The following ANAPC5 variants were observed in gnomAD, a reference collection of about 807,000 sequenced individuals.
ANAPC5 encodes anaphase promoting complex subunit 5, also known as anaphase-promoting complex subunit 5.
ANAPC5 carries 60 observed loss-of-function variants against 91.3 expected under a neutral mutation model. That is an observed-to-expected ratio of 0.66 (90% CI 0.53 to 0.81). The LOEUF (loss-of-function observed/expected upper bound fraction) is 0.81, where lower values mean the gene tolerates loss of function less well. Among genes scored for constraint, ANAPC5 ranks in the 40% least tolerant of loss-of-function variants. ANAPC5 has a pLI of 0.00. For synonymous variants in ANAPC5, 340 were observed against 364.1 expected (o/e 0.93, Z 0.75); for missense variants, 690 against 931.5 (o/e 0.74, Z 3.37).
chr12:121,338,481 C>T lies in ANAPC5; in HGVS notation c.658-1089G>A, dbSNP rs569032685. 2.6e-5 allele frequency among the ~76,000 whole-genome samples: 4 copies of T among 151,786 alleles called. No individual in the cohort carries two copies. In the South Asian group the frequency reaches 6.3e-4, roughly 24 times the overall value. ...GCGCACACCTGTAATCCTAGCTACTCGGGAGGCTGAGGCAGGAGAATCACT... is the reference window on the plus strand; with the variant it reads ...GCGCACACCTGTAATCCTAGCTACTTGGGAGGCTGAGGCAGGAGAATCACT... On this transcript the variant is annotated intron_variant, in intron 5 of 16. Coordinates refer to ENST00000261819, the MANE Select transcript of ANAPC5 (RefSeq NM_016237.5).
Position 121,342,456 on chromosome 12 carries a change from C to A in ANAPC5, c.591-387G>T, listed in dbSNP as rs1903496069. Reference sequence around the variant, plus strand: ...TGTGAGGCCAAGGACTCAAAGACCTCAATGTGAGGCCAAAAACCGTAAAAC... The same window carrying A: ...TGTGAGGCCAAGGACTCAAAGACCTAAATGTGAGGCCAAAAACCGTAAAAC... On this transcript the variant is annotated intron_variant, in intron 4 of 16. Coordinates refer to ENST00000261819, the MANE Select transcript of ANAPC5 (RefSeq NM_016237.5). The surrounding 1 kb of genome is among the most constrained non-coding windows in gnomAD (Gnocchi z 4.1). Among the ~76,000 whole-genome samples, 1 of 152,150 alleles carries A rather than the reference C, an allele frequency of 6.6e-6. No homozygotes were observed. Among genetic ancestry groups the A allele is most frequent in the African/African-American group, 2.4e-5 (1 of 41,436 alleles).
In ANAPC5 at chr12:121,327,037, G is replaced by C. The variant is rs1902844910; in HGVS notation, c.1440+59C>G. The C allele has an allele frequency of 2.0e-6, 3 of 1,527,916 alleles. No individual in the cohort carries two copies. The East Asian group carries it at 6.9e-5, about 35-fold the overall frequency. The allele number at this position is 1,527,916 out of a possible 1,614,324, so 94.6% of individuals were successfully genotyped here. ...CCAGTGCTTTCCTCAAGCATTAGAG[G>C]AAAGAAATGGTAGAGCCTCCATTGC... On this transcript the variant is annotated intron_variant, in intron 11 of 16. Transcript: ENST00000261819.
At chr12:121,347,919 G>A in intron 1 of ANAPC5, 38 bp from the exon 2 acceptor site, 1 of 1,387,204 alleles carries the variant, frequency 7.2e-7, no homozygotes, top group Non-Finnish European at 1.0e-6. Context: ...GGATTTTAAA[G>A]AGCTGGAGAC....
chr12:121,327,153 G>T lies in ANAPC5; in HGVS notation c.1383C>A (p.Asn461Lys). 1.2e-6 allele frequency: 2 copies of T among 1,613,362 alleles called. No homozygotes were observed. Among genetic ancestry groups the T allele is most frequent in the East Asian group, 4.5e-5 (2 of 44,832 alleles). The change falls in exon 11 of 17, where the codon AAC becomes AAA. Residue 461 changes from asparagine to lysine, a missense_variant. By Grantham distance (94) the Asn-to-Lys change is moderately conservative. Coordinates refer to ENST00000261819, the MANE Select transcript of ANAPC5 (RefSeq NM_016237.5). ...LEAVNAGVQQNNTESFAVALC... is the reference protein window; with the variant it reads ...LEAVNAGVQQKNTESFAVALC... ...GTGCGACAGCAAAGGACTCTGTGTT[G>T]TTCTGCTGCACGCCCGCATTCACCG...
intron 8 of ANAPC5, chr12:121,331,014 G>T: frequency 2.6e-6 from 1 of 389,868 alleles, no homozygotes; most frequent in East Asian, 5.1e-5. Flanking sequence ...TGGTGATTTT[G>T]CTATTACAGG....
At chr12:121,334,421 AG>A (rs1903151700) in intron 7 of ANAPC5, 5 of 152,248 alleles carry the variant, frequency 3.3e-5, no homozygotes, top group Admixed American at 6.5e-5. Flanking sequence ...TCTGTATAGA[AG>A]GATGCCTGTA....
Position 121,319,584 on chromosome 12 carries a change from T to TA in ANAPC5, c.1637+112dup. 2.5e-6 allele frequency: 3 copies of TA among 1,177,048 alleles called. No individual in the cohort carries two copies. The Admixed American group carries it at 8.8e-5, about 35-fold the overall frequency. 72.9% of individuals were successfully genotyped at this position (1,177,048 alleles called of 1,614,324 possible). On this transcript the variant is annotated intron_variant, in intron 13 of 16. Transcript: ENST00000261819. ...TGCTTACCTGTATTTTCTTATTTAT[T>TA]AAGAAAATAAAGTTTTTTTCTAAGC... is the stretch of plus-strand genomic sequence containing the variant.
intron 13 of ANAPC5, among the ~76,000 whole-genome samples, chr12:121,319,477 G>A (rs1411415448): frequency 3.3e-5 from 5 of 151,672 alleles, no homozygotes; most frequent in African/African-American, 1.2e-4. Flanking sequence ...CAAGTGATGC[G>A]CCCGCCTCAG....
chr12:121,333,353 T>G (rs1555273139), intron 7 of ANAPC5: 1 of 152,146 alleles, frequency 6.6e-6, no homozygotes, highest in Non-Finnish European at 1.5e-5. Context: ...AAATAAAGAT[T>G]ATTTGTATCC....
chr12:121,353,140 A>G (rs1903972468), upstream of ANAPC5, among the ~76,000 whole-genome samples: 1 of 152,156 alleles, frequency 6.6e-6, no homozygotes, highest in Non-Finnish European at 1.5e-5. Flanking sequence ...CCTTACGTGA[A>G]ATAGAACATT....
At chr12:121,352,830 C>G (rs1056043932), upstream of ANAPC5, among the ~76,000 whole-genome samples, 6 of 150,306 alleles carry the variant, frequency 4.0e-5, no homozygotes, top group Admixed American at 2.0e-4. Context: ...GCACTGCACC[C>G]TCCCAAATCC....
rs117172105 is a variant in ANAPC5 at position 121,314,247 on chromosome 12, A to C, written c.1893+4030T>G. ...AAACCCTGTCTCTACTAAAATACAA[A>C]AATTACTTGGGCATGGTGGTGCACA... On this transcript the variant is annotated intron_variant, in intron 15 of 16. Coordinates refer to ENST00000261819, the MANE Select transcript of ANAPC5 (RefSeq NM_016237.5). 5.8e-4 allele frequency among the ~76,000 whole-genome samples: 89 copies of C among 152,254 alleles called. 1 individual carries two copies. The East Asian group carries it at 0.014, about 24-fold the overall frequency.
At position 121,308,505 on chromosome 12, in the gene ANAPC5, C is replaced by A. The variant is rs1902027333; in HGVS notation, c.2243G>T (p.Gly748Val). Residue 748 changes from glycine to valine, a missense_variant, in exon 17 of 17, where the codon GGG becomes GTG. Transcript: ENST00000261819. ...CTAGAGATGGTTTATCAAGGGTACC[C>A]CATGAGAGGGCAGCTCCTGATGCAG... ...RQLHQELPSH[G>V]VPLINHL 6.2e-7 allele frequency: 1 copy of A among 1,613,938 alleles called. No individual in the cohort carries two copies. The highest frequency in any genetic ancestry group is 8.5e-7 in the Non-Finnish European group (1 of 1,180,014).
At chr12:121,332,220 C>A (rs1555272994) in intron 7 of ANAPC5, 1 of 152,270 alleles carries the variant, frequency 6.6e-6, no homozygotes, top group Admixed American at 6.5e-5. Context: ...TCTTTGGCCT[C>A]CCAAAGTGCT....
intron 15 of ANAPC5, among the ~76,000 whole-genome samples, chr12:121,316,605 C>T (rs1398242295): frequency 6.6e-6 from 1 of 151,494 alleles, no homozygotes; most frequent in Non-Finnish European, 1.5e-5. Context: ...TGGTGGCGGG[C>T]GCCTGTAGTC....
intron 15 of ANAPC5, among the ~76,000 whole-genome samples, chr12:121,313,780 A>G (rs528920635): frequency 1.3e-5 from 2 of 152,352 alleles, no homozygotes; most frequent in East Asian, 3.8e-4. Flanking sequence ...AGAAAAGCCC[A>G]GGGCCAGACT....
intron 3 of ANAPC5, 69 bp from the exon 4 acceptor site, chr12:121,346,100 C>T: frequency 2.4e-6 from 3 of 1,241,852 alleles, no homozygotes; most frequent in Non-Finnish European, 2.3e-6. Flanking sequence ...GGCAACTCCA[C>T]AATGGCAATG....
chr12:121,353,333 T>C (rs1226200928), upstream of ANAPC5, among the ~76,000 whole-genome samples: 2 of 152,226 alleles, frequency 1.3e-5, no homozygotes, highest in African/African-American at 2.4e-5. Context: ...CCCTGAATTA[T>C]TATTAATGAT....
At position 121,327,232 on chromosome 12, in the gene ANAPC5, C is replaced by G; in HGVS notation, c.1305-1G>C. On this transcript the variant is annotated splice_acceptor_variant, in intron 10 of 16. Transcript: ENST00000261819. LOFTEE classifies it high-confidence loss of function. ...CTGGGCCTGTTGCAGTGCCATGGTG[C>G]TGGGTGGGGAGAGGGAACAGGATTT... The G allele has an allele frequency of 6.2e-7, 1 of 1,612,210 alleles. No individual in the cohort carries two copies. Among genetic ancestry groups the G allele is most frequent in the Non-Finnish European group, 8.5e-7 (1 of 1,179,754 alleles).
Sources: allele counts gnomAD v4.1 joint callset (sites outside exome capture counted in the v4.1 genomes callset), GRCh38; gene constraint gnomAD v4.1.1; non-coding constraint Gnocchi (gnomAD v3.1); transcripts MANE v1.5; gene names NCBI Gene and HGNC (gene_info 2026-07-23, HGNC 2026-07-21).